ATRNL1: variants seen among roughly 807,000 people sequenced by gnomAD.
ATRNL1 encodes attractin-like protein 1.
Under a neutral mutation model 182.7 loss-of-function variants are expected in ATRNL1, and 95 were observed. The ratio of observed to expected loss-of-function variants is 0.52; its 90% CI spans 0.44 to 0.62. ATRNL1 has a LOEUF of 0.62. Among genes scored for constraint, ATRNL1 ranks in the 20% least tolerant of loss-of-function variants. ATRNL1 has a pLI of 0.00. For missense variants in ATRNL1, 1,471 were observed against 1,679.5 expected (o/e 0.88, Z 2.17); for synonymous variants, 576 against 568.3 (o/e 1.01, Z -0.19).
At chr10:115,277,368 G>A (rs1446744990) in intron 13 of ATRNL1, among the ~76,000 whole-genome samples, 1 of 152,018 alleles carries the variant, frequency 6.6e-6, no homozygotes, top group Admixed American at 6.5e-5. Flanking sequence ...CTTTGGAATG[G>A]AGGTGATGGC....
chr10:115,429,940 G>A (rs966043837), intron 21 of ATRNL1, among the ~76,000 whole-genome samples: 41 of 152,138 alleles, frequency 2.7e-4, no homozygotes, highest in African/African-American at 7.9e-4. Flanking sequence ...GCGTGGTGGC[G>A]GGCGCCTGTA....
chr10:115,760,269 G>A (rs1430556711), intron 27 of ATRNL1, among the ~76,000 whole-genome samples: 1 of 151,846 alleles, frequency 6.6e-6, no homozygotes, highest in Non-Finnish European at 1.5e-5. Flanking sequence ...TGTTAGTAGG[G>A]AAGAAGTTTA....
chr10:115,938,524 A>T (rs1414035859), intron 28 of ATRNL1, among the ~76,000 whole-genome samples: 2 of 152,206 alleles, frequency 1.3e-5, no homozygotes, highest in East Asian at 1.9e-4. Context: ...CTACTTATTT[A>T]CAAAATAGCT....
chr10:115,561,450 C>T (rs1554999564), intron 26 of ATRNL1, among the ~76,000 whole-genome samples: 1 of 151,978 alleles, frequency 6.6e-6, no homozygotes, highest in Non-Finnish European at 1.5e-5. Flanking sequence ...AAAAATATAA[C>T]AATAAATATA....
chr10:115,810,116 T>C (rs567304697), intron 27 of ATRNL1, among the ~76,000 whole-genome samples: 6 of 152,078 alleles, frequency 3.9e-5, no homozygotes, highest in African/African-American at 1.4e-4. Flanking sequence ...AATGTCAAAT[T>C]GACATTGCCT....
chr10:115,351,146 TGGAGTCTTTA>T (rs1856229906), intron 19 of ATRNL1, among the ~76,000 whole-genome samples: 1 of 152,164 alleles, frequency 6.6e-6, no homozygotes, highest in South Asian at 2.1e-4. Flanking sequence ...AGGTTTTTGG[TGGAGTCTTTA>T]GGTTTTTTGA....
chr10:115,562,904 C>G (rs1356992363), intron 26 of ATRNL1, among the ~76,000 whole-genome samples: 1 of 152,108 alleles, frequency 6.6e-6, no homozygotes, highest in Non-Finnish European at 1.5e-5. Context: ...CAAGTAGATT[C>G]AAAAACTTAC....
intron 26 of ATRNL1, among the ~76,000 whole-genome samples, chr10:115,651,028 G>A (rs559762328): frequency 1.3e-5 from 2 of 152,204 alleles, no homozygotes; most frequent in East Asian, 1.9e-4. Context: ...CATATACTTA[G>A]TTCTAGGCAG....
At chr10:115,365,499 G>T (rs1856987516) in intron 19 of ATRNL1, among the ~76,000 whole-genome samples, 1 of 151,972 alleles carries the variant, frequency 6.6e-6, no homozygotes. Flanking sequence ...TTTTTGAAGG[G>T]TTTTTTGTGT....
chr10:115,495,630 G>A (rs1265254060), intron 24 of ATRNL1, among the ~76,000 whole-genome samples: 3 of 151,670 alleles, frequency 2.0e-5, no homozygotes, highest in Admixed American at 6.6e-5. Flanking sequence ...TTATAGTTTC[G>A]AGTGATCTTC....
chr10:115,851,041 A>G (rs1220862033), intron 28 of ATRNL1, among the ~76,000 whole-genome samples: 2 of 152,226 alleles, frequency 1.3e-5, no homozygotes, highest in Non-Finnish European at 2.9e-5. Context: ...GAGTCTTCTT[A>G]TAGATTAAAA....
chr10:115,425,588 A>G (rs1262177694), intron 20 of ATRNL1, among the ~76,000 whole-genome samples: 1 of 152,006 alleles, frequency 6.6e-6, no homozygotes, highest in Non-Finnish European at 1.5e-5. Flanking sequence ...TTATGTATTA[A>G]ATATAAGAGT....
intron 8 of ATRNL1, among the ~76,000 whole-genome samples, chr10:115,211,947 T>G (rs1252355016): frequency 6.6e-6 from 1 of 151,968 alleles, no homozygotes; most frequent in African/African-American, 2.4e-5. Flanking sequence ...TCTCTGAGAC[T>G]CTGTTCACTG....
chr10:115,659,031 G>A (rs377421594), intron 26 of ATRNL1, among the ~76,000 whole-genome samples: 14 of 151,960 alleles, frequency 9.2e-5, no homozygotes, highest in African/African-American at 3.4e-4. Context: ...AGAATAACAT[G>A]GGGGAAACTG....
intron 28 of ATRNL1, among the ~76,000 whole-genome samples, chr10:115,871,500 T>TAC (rs1555106135): frequency 6.8e-5 from 10 of 147,370 alleles, no homozygotes; most frequent in Non-Finnish European, 1.5e-4. Flanking sequence ...TATATATATA[T>TAC]ATATGACTTT....
intron 27 of ATRNL1, among the ~76,000 whole-genome samples, chr10:115,806,747 T>C (rs1348532583): frequency 6.6e-6 from 1 of 152,302 alleles, no homozygotes; most frequent in Admixed American, 6.5e-5. Context: ...CTGCCATTAC[T>C]AGCATGAGAC....
chr10:115,485,166 T>C (rs558097004), intron 24 of ATRNL1, among the ~76,000 whole-genome samples: 3 of 152,040 alleles, frequency 2.0e-5, no homozygotes, highest in Admixed American at 6.6e-5. Context: ...AATTAAAAAG[T>C]GTTCCTTCAT....
intron 25 of ATRNL1, 107 bp downstream of exon 25, chr10:115,519,431 A>G (rs1554984684): frequency 1.1e-6 from 1 of 898,498 alleles, no homozygotes; most frequent in African/African-American, 1.7e-5. Flanking sequence ...AAAGTATCAT[A>G]GAGTATGTCT....
chr10:115,178,833 A>T (rs2144144238), intron 8 of ATRNL1, among the ~76,000 whole-genome samples: 1 of 152,308 alleles, frequency 6.6e-6, no homozygotes, highest in South Asian at 2.1e-4. Flanking sequence ...CAGCACCTTG[A>T]TTTTGAAATT....
Sources: gnomAD v4.1 joint callset for allele counts (sites outside exome capture counted in the v4.1 genomes callset) on GRCh38, gnomAD v4.1.1 for gene constraint, MANE v1.5 for transcripts, NCBI Gene and HGNC (gene_info 2026-07-23, HGNC 2026-07-21) for gene names.